The following PALM variants were observed in gnomAD, a reference collection of about 807,000 sequenced individuals.
PALM encodes paralemmin-1.
PALM carries 18 observed loss-of-function variants against 30.7 expected under a neutral mutation model. The ratio of observed to expected loss-of-function variants is 0.59; its 90% CI spans 0.41 to 0.87. The LOEUF (loss-of-function observed/expected upper bound fraction) is 0.87. PALM is among the 40% of genes least tolerant of loss of function. The pLI is 0.00. For missense variants in PALM, 529 were observed against 555.4 expected (o/e 0.95, Z 0.48); for synonymous variants, 286 against 242.8 (o/e 1.18, Z -1.66).
intron 8 of PALM, among the ~76,000 whole-genome samples, chr19:741,676 G>A (rs376748974): frequency 6.6e-6 from 1 of 152,000 alleles, no homozygotes; most frequent in African/African-American, 2.4e-5. Flanking sequence ...TGTCCTGAGG[G>A]CTTTGGGAAG....
chr19:720,133 C>G (rs1466373075), intron 1 of PALM, among the ~76,000 whole-genome samples: 1 of 151,882 alleles, frequency 6.6e-6, no homozygotes, highest in Non-Finnish European at 1.5e-5. Flanking sequence ...TCTAGGCCGC[C>G]CCAGGCCCGA....
At chr19:719,505 C>T in intron 1 of PALM, 1 of 985,474 alleles carries the variant, frequency 1.0e-6, no homozygotes, top group Non-Finnish European at 1.2e-6. Context: ...TCCAGGGGCT[C>T]TGCGCGGCTG....
At chr19:720,167 C>G (rs573940441) in intron 1 of PALM, among the ~76,000 whole-genome samples, 3 of 151,912 alleles carry the variant, frequency 2.0e-5, no homozygotes, top group Admixed American at 1.3e-4. Context: ...CCCAATCCCC[C>G]CAAGCACAGG....
At chr19:713,841 C>G (rs1030962159) in intron 1 of PALM, among the ~76,000 whole-genome samples, 3 of 151,952 alleles carry the variant, frequency 2.0e-5, no homozygotes, top group African/African-American at 7.2e-5. Context: ...CTCAGCTTCC[C>G]AAAGTGCTGG....
intron 1 of PALM, among the ~76,000 whole-genome samples, chr19:717,228 G>C (rs989937514): frequency 1.3e-5 from 2 of 151,992 alleles, no homozygotes; most frequent in African/African-American, 4.8e-5. Flanking sequence ...GCGCCCAGCA[G>C]AGTTGTGTAT....
rs1368749217 is a variant in PALM, at chr19:719,430, A to G, written c.6-6708A>G. 21 of 985,416 alleles carry G rather than the reference A, an allele frequency of 2.1e-5. No individual in the cohort carries two copies. In the South Asian group the frequency reaches 8.0e-4, roughly 37 times the overall value. The allele number at this position is 985,416 out of a possible 1,614,324, so 61.0% of individuals were successfully genotyped here. ...GCCGCCCACACCGCCACACGCCGTAAAAAGCATCGCGGGGACGGGAGGCCT... is the reference window on the plus strand; with the variant it reads ...GCCGCCCACACCGCCACACGCCGTAGAAAGCATCGCGGGGACGGGAGGCCT... On this transcript the variant is annotated intron_variant, in intron 1 of 8. Transcript: ENST00000338448.
intron 1 of PALM, among the ~76,000 whole-genome samples, chr19:725,329 C>T (rs1056086283): frequency 4.1e-5 from 6 of 147,336 alleles, no homozygotes; most frequent in Non-Finnish European, 7.5e-5. Flanking sequence ...GAGGCCAAGG[C>T]GGGCGGATCA....
intron 5 of PALM, among the ~76,000 whole-genome samples, chr19:733,056 A>G (rs978528555): frequency 6.6e-6 from 1 of 151,920 alleles, no homozygotes; most frequent in Non-Finnish European, 1.5e-5. Flanking sequence ...CCTCCTAAGT[A>G]TCTGGGATTG....
intron 1 of PALM, among the ~76,000 whole-genome samples, chr19:716,065 G>A (rs2032245367): frequency 6.6e-6 from 1 of 152,160 alleles, no homozygotes; most frequent in Non-Finnish European, 1.5e-5. Context: ...CACCAGGACA[G>A]AGCCTGGACT....
intron 1 of PALM, among the ~76,000 whole-genome samples, chr19:713,247 C>T (rs570997945): frequency 3.3e-5 from 5 of 152,100 alleles, no homozygotes; most frequent in South Asian, 4.2e-4. Context: ...GAAACACAGA[C>T]GGTGGCCTTG....
At chr19:727,219 T>TGACCCC in intron 3 of PALM, 131 bp downstream of exon 3, 2 of 642,958 alleles carry the variant, frequency 3.1e-6, no homozygotes, top group South Asian at 3.7e-5. Context: ...GCCCTGACCC[T>TGACCCC]GACCCCGACC....
In PALM at chr19:746,270, T is replaced by C; in HGVS notation, c.635-15T>C. ...GCCTGGAGCTGGGTCATTCTCTCTG[T>C]CTCTCCTTGTACAGTGGTCCATGCT... On this transcript the variant is annotated splice_polypyrimidine_tract_variant and intron_variant, in intron 8 of 8. Transcript: ENST00000338448. The surrounding 1 kb of genome is among the most constrained non-coding windows in gnomAD (Gnocchi z 7.1). 1 of 1,606,754 alleles carries C rather than the reference T, an allele frequency of 6.2e-7. No homozygotes were observed. Among genetic ancestry groups the C allele is most frequent in the Non-Finnish European group, 8.5e-7 (1 of 1,176,500 alleles).
chr19:715,322 C>T (rs917443141), intron 1 of PALM, among the ~76,000 whole-genome samples: 7 of 152,168 alleles, frequency 4.6e-5, no homozygotes, highest in Admixed American at 4.6e-4. Context: ...CCCCTGTTTC[C>T]TCTCATCCTT....
At chr19:715,915 A>C (rs1274342104) in intron 1 of PALM, among the ~76,000 whole-genome samples, 2 of 152,076 alleles carry the variant, frequency 1.3e-5, no homozygotes, top group Non-Finnish European at 2.9e-5. Context: ...TGGTCCCTGG[A>C]TACATGAGGG....
chr19:736,019 A>T lies in PALM; in HGVS notation c.443A>T (p.Asp148Val), dbSNP rs2033013138. 2 of 1,609,080 alleles carry T rather than the reference A, an allele frequency of 1.2e-6. No homozygotes were observed. Among genetic ancestry groups the T allele is most frequent in the Non-Finnish European group, 1.7e-6 (2 of 1,177,540 alleles). The stretch of plus-strand genomic sequence containing the variant: ...CTCTCCGCTTCCACCTCCCGTGCAG[A>T]CAAGCGAGTCTCCAACACGCCCCTG... ...SQQTPVGTPKDKRVSNTPLRT... is the reference protein window; with the variant it reads ...SQQTPVGTPKVKRVSNTPLRT... Residue 148 changes from aspartate to valine, a missense_variant and splice_region_variant, in exon 7 of 9, where the codon GAC becomes GTC. By Grantham distance (152) the Asp-to-Val change is radical. Transcript: ENST00000338448.
intron 1 of PALM, among the ~76,000 whole-genome samples, chr19:712,744 C>T (rs1296674692): frequency 6.6e-6 from 1 of 151,026 alleles, no homozygotes; most frequent in Non-Finnish European, 1.5e-5. Flanking sequence ...GGCGCGATCT[C>T]GGCTCACTGC....
chr19:746,033 G>A lies in PALM; in HGVS notation c.635-252G>A, dbSNP rs1046731817. On this transcript the variant is annotated intron_variant, in intron 8 of 8. Coordinates refer to ENST00000338448, the MANE Select transcript of PALM (RefSeq NM_002579.3). The surrounding 1 kb of genome is among the most constrained non-coding windows in gnomAD (Gnocchi z 7.1). ...AGATCACGCCATTGCACTCCAGCCT[G>A]GGCGACAGAGTGAGACTCCGTCTCA... Among the ~76,000 whole-genome samples the A allele has an allele frequency of 1.3e-5, 2 of 152,222 alleles. No homozygotes were observed. The highest frequency in any genetic ancestry group is 4.8e-5 in the African/African-American group (2 of 41,472).
intron 1 of PALM, among the ~76,000 whole-genome samples, chr19:716,159 C>A (rs1470482211): frequency 6.6e-6 from 1 of 152,098 alleles, no homozygotes; most frequent in East Asian, 1.9e-4. Context: ...CGCCTGTAAT[C>A]CCAGCACTTT....
chr19:726,744 C>T (rs1291427937), intron 2 of PALM, among the ~76,000 whole-genome samples: 1 of 152,216 alleles, frequency 6.6e-6, no homozygotes, highest in East Asian at 1.9e-4. Context: ...CTCAAGTGAT[C>T]CTCCCGCCTT....
Sources: allele counts gnomAD v4.1 joint callset (sites outside exome capture counted in the v4.1 genomes callset), GRCh38; gene constraint gnomAD v4.1.1; non-coding constraint Gnocchi (gnomAD v3.1); transcripts MANE v1.5; gene names NCBI Gene and HGNC (gene_info 2026-07-23, HGNC 2026-07-21).